Variants in USP34 observed in about 807,000 individuals in gnomAD.
The protein encoded by USP34 is ubiquitin carboxyl-terminal hydrolase 34.
USP34 carries 70 observed loss-of-function variants against 460.3 expected under a neutral mutation model. That is an observed-to-expected ratio of 0.15 (90% confidence interval 0.13 to 0.19). The LOEUF (loss-of-function observed/expected upper bound fraction) is 0.19. Ranked by LOEUF, USP34 falls within the 10% of genes least tolerant of loss-of-function variation. The pLI is 1.00. For synonymous variants in USP34, 1,647 were observed against 1,405.3 expected, an observed-to-expected ratio of 1.17 and a Z score of -3.85; for missense variants, 3,985 against 4,236.2, an observed-to-expected ratio of 0.94 and a Z score of 1.65.
intron 5 of USP34, among the ~76,000 whole-genome samples, chr2:61,388,207 C>T (rs1041361665): frequency 6.6e-6 from 1 of 151,944 alleles, no homozygotes; most frequent in African/African-American, 2.4e-5. Context: ...CACCCCAATG[C>T]GCTCTGGCCT....
rs746659237 is a variant in USP34 at position 61,190,256 on chromosome 2, C to G, written c.9873+15G>C. 1.3e-6 allele frequency: 2 copies of G among 1,598,010 alleles called. No homozygotes were observed. The highest frequency in any genetic ancestry group is 1.4e-5 in the African/African-American group (1 of 73,916). Reference sequence around the variant, plus strand: ...AGTTTAAAAGTGTGTGCCGCCGCCTCTGCATAGTTCTTACCCCATTTAAAG... The same window carrying G: ...AGTTTAAAAGTGTGTGCCGCCGCCTGTGCATAGTTCTTACCCCATTTAAAG... On this transcript the variant is annotated intron_variant, in intron 78 of 79. Transcript: ENST00000398571.
chr2:61,409,285 G>A (rs1482222735), intron 2 of USP34, among the ~76,000 whole-genome samples: 8 of 151,724 alleles, frequency 5.3e-5, no homozygotes, highest in Non-Finnish European at 8.8e-5. Flanking sequence ...GGTGGCTCAC[G>A]CCTGTAATCC....
chr2:61,372,960 T>C (rs1464456029), intron 8 of USP34, among the ~76,000 whole-genome samples: 4 of 152,082 alleles, frequency 2.6e-5, no homozygotes, highest in Non-Finnish European at 5.9e-5. Flanking sequence ...TCTACACATA[T>C]TGTAGTCAAA....
chr2:61,349,930 T>C (rs1267364980), intron 12 of USP34, among the ~76,000 whole-genome samples: 1 of 151,910 alleles, frequency 6.6e-6, no homozygotes, highest in East Asian at 1.9e-4. Flanking sequence ...CACAACAAGA[T>C]AACTGAATCA....
At chr2:61,260,222 G>A (rs1393131792) in intron 43 of USP34, among the ~76,000 whole-genome samples, 3 of 152,102 alleles carry the variant, frequency 2.0e-5, no homozygotes, top group South Asian at 4.1e-4. Flanking sequence ...TCACACTGAA[G>A]AGGAATACCA....
rs1442496931 is a variant in USP34, at chr2:61,348,261, T to G, written c.1894A>C (p.Asn632His). The G allele has an allele frequency of 5.0e-6, 8 of 1,614,102 alleles. No individual in the cohort carries two copies. Among genetic ancestry groups the G allele is most frequent in the African/African-American group, 2.7e-5 (2 of 74,938 alleles). Residue 632 changes from asparagine (N) to histidine (H), a missense_variant, in exon 15 of 80, where the codon AAT becomes CAT. Coordinates refer to ENST00000398571, the MANE Select transcript of USP34 (RefSeq NM_014709.4). Reference protein sequence around the residue: ...EEDEDDDHGHNPPKSSCGTDL... With the variant: ...EEDEDDDHGHHPPKSSCGTDL... ...GTACCACAACTGCTTTTGGGAGGAT[T>G]ATGACCATGATCATCGTCTTCATCT...
chr2:61,304,647 C>A (rs537703621), intron 27 of USP34, among the ~76,000 whole-genome samples: 1 of 152,222 alleles, frequency 6.6e-6, no homozygotes, highest in African/African-American at 2.4e-5. Flanking sequence ...TCACTTGACA[C>A]TGAATCTGCT....
At chr2:61,451,476 G>A (rs1453344314) in intron 1 of USP34, among the ~76,000 whole-genome samples, 1 of 151,442 alleles carries the variant, frequency 6.6e-6, no homozygotes, top group Non-Finnish European at 1.5e-5. Context: ...TCTGAGGTTG[G>A]CAGCTCACGA....
intron 67 of USP34, among the ~76,000 whole-genome samples, chr2:61,218,581 T>C (rs1435867053): frequency 3.3e-5 from 5 of 151,920 alleles, no homozygotes; most frequent in Non-Finnish European, 7.4e-5. Context: ...TGTCCTTTTT[T>C]TTCCTTCCAG....
intron 4 of USP34, 26 bp downstream of exon 4, chr2:61,395,157 A>G (rs1320922778): frequency 1.3e-5 from 19 of 1,486,724 alleles, no homozygotes; most frequent in East Asian, 2.3e-5. Flanking sequence ...ATTTTCCATA[A>G]AAGAATAAAA....
intron 20 of USP34, among the ~76,000 whole-genome samples, chr2:61,328,365 A>C: frequency 6.6e-6 from 1 of 152,106 alleles, no homozygotes; most frequent in East Asian, 1.9e-4. Flanking sequence ...TACAAAATGA[A>C]AAAATAAAAA....
At chr2:61,428,291 T>A (rs772345327) in intron 1 of USP34, among the ~76,000 whole-genome samples, 3 of 147,102 alleles carry the variant, frequency 2.0e-5, no homozygotes, top group African/African-American at 7.5e-5. Context: ...AAATCAGTCA[T>A]TGAAAACTGG....
At chr2:61,461,456 T>C (rs952499132) in intron 1 of USP34, among the ~76,000 whole-genome samples, 3 of 151,870 alleles carry the variant, frequency 2.0e-5, no homozygotes, top group African/African-American at 7.3e-5. Flanking sequence ...AAACATACAA[T>C]TCATTAAATA....
intron 27 of USP34, among the ~76,000 whole-genome samples, chr2:61,301,879 A>C (rs760924130): frequency 6.6e-6 from 1 of 151,986 alleles, no homozygotes; most frequent in African/African-American, 2.4e-5. Context: ...ACTCTCCTTT[A>C]TCTTTCTTTA....
At chr2:61,275,124 T>C (rs1049845358) in intron 41 of USP34, among the ~76,000 whole-genome samples, 2 of 151,806 alleles carry the variant, frequency 1.3e-5, no homozygotes, top group African/African-American at 4.8e-5. Context: ...AAAAGATTTT[T>C]AAAAATTAGC....
At chr2:61,379,074 G>GA (rs1283686559) in intron 7 of USP34, among the ~76,000 whole-genome samples, 5 of 152,014 alleles carry the variant, frequency 3.3e-5, no homozygotes, top group Admixed American at 2.6e-4. Context: ...AAAGTTTCAG[G>GA]AAAGACTCCC....
At chr2:61,385,558 G>A (rs1389195621) in intron 5 of USP34, among the ~76,000 whole-genome samples, 2 of 149,388 alleles carry the variant, frequency 1.3e-5, no homozygotes, top group African/African-American at 2.5e-5. Flanking sequence ...TGTAGTCCCA[G>A]CTACTTGGGA....
intron 27 of USP34, among the ~76,000 whole-genome samples, chr2:61,310,628 C>G (rs533781541): frequency 7.4e-4 from 111 of 150,008 alleles, no homozygotes; most frequent in African/African-American, 2.6e-3. Flanking sequence ...TATTAAATAT[C>G]AGATATATAC....
rs757849585 is a variant in USP34, at chr2:61,289,643, CCTATA to C, written c.4549-771_4549-767del. ...ATGGTACTTTCTTCCTGCAATAATA[CCTATA>C]CTATATTACTGAACCGAAAGAAAGA... On this transcript the variant is annotated intron_variant, in intron 33 of 79. Coordinates refer to ENST00000398571, the MANE Select transcript of USP34 (RefSeq NM_014709.4). Among the ~76,000 whole-genome samples, 68 of 152,072 alleles carry C rather than the reference CCTATA, an allele frequency of 4.5e-4. 1 individual carries two copies. The highest frequency in any genetic ancestry group is 1.3e-3 in the Admixed American group (20 of 15,256).
Sources: allele counts gnomAD v4.1 joint callset (sites outside exome capture counted in the v4.1 genomes callset), GRCh38; gene constraint gnomAD v4.1.1; transcripts MANE v1.5; gene names NCBI Gene and HGNC (gene_info 2026-07-23, HGNC 2026-07-21).